The following MICAL3 variants were observed in gnomAD, a reference collection of about 807,000 sequenced individuals.
The protein encoded by MICAL3 is [F-actin]-monooxygenase MICAL3.
MICAL3 carries 62 observed loss-of-function variants against 207.4 expected under a neutral mutation model. That is an observed-to-expected ratio of 0.30 (90% confidence interval 0.24 to 0.37). MICAL3 has a LOEUF of 0.37. MICAL3 is among the 10% of genes least tolerant of loss of function. The probability of loss-of-function intolerance (pLI) is 1.00; values close to 1 mark genes in which losing one functional copy is unlikely to be tolerated. For synonymous variants in MICAL3, 1,077 were observed against 1,069.3 expected (o/e 1.01, Z -0.14); for missense variants, 2,368 against 2,635.6 (o/e 0.90, Z 2.22).
intron 1 of MICAL3, among the ~76,000 whole-genome samples, chr22:17,984,439 A>C (rs1435176179): frequency 6.6e-6 from 1 of 152,230 alleles, no homozygotes; most frequent in East Asian, 1.9e-4. Flanking sequence ...AAGATTACGC[A>C]GACACCGATG....
chr22:17,864,830 T>C lies in MICAL3; in HGVS notation c.2605+69A>G, dbSNP rs535821368. The C allele has an allele frequency of 2.5e-6, 4 of 1,613,884 alleles. No individual in the cohort carries two copies. In the Admixed American group the frequency reaches 5.0e-5, roughly 20 times the overall value. ...ATGTTGCTTTGGAGGTGCTGGCTCA[T>C]GCCCTTGGCCTTGTCACAGAGGCCG... On this transcript the variant is annotated intron_variant, in intron 19 of 31. Transcript: ENST00000441493.
intron 16 of MICAL3, among the ~76,000 whole-genome samples, chr22:17,883,150 A>G (rs2146212373): frequency 6.6e-6 from 1 of 152,312 alleles, no homozygotes. Flanking sequence ...TTCAAATCAT[A>G]TCTTCCACCT....
intron 1 of MICAL3, among the ~76,000 whole-genome samples, chr22:17,942,745 G>A (rs1195513043): frequency 1.3e-5 from 2 of 152,198 alleles, no homozygotes; most frequent in African/African-American, 4.8e-5. Flanking sequence ...GACGCTGCTG[G>A]GCAGCACCAG....
chr22:17,864,893 G>T lies in MICAL3; in HGVS notation c.2605+6C>A, dbSNP rs1394327256. ...GCCACCCAGCCAAACAAGGAAGTGA[G>T]GCTACCTGGGGTTCTCTCAGTGGAG... On this transcript the variant is annotated splice_donor_region_variant and intron_variant, in intron 19 of 31. Transcript: ENST00000441493. The T allele has an allele frequency of 6.2e-7, 1 of 1,613,856 alleles. No homozygotes were observed. The highest frequency in any genetic ancestry group is 2.2e-5 in the East Asian group (1 of 44,856).
Position 17,878,242 on chromosome 22 carries a change from C to T in MICAL3, c.2242-6219G>A, listed in dbSNP as rs138729915. 1.9e-3 allele frequency among the ~76,000 whole-genome samples: 287 copies of T among 152,348 alleles called. 5 individuals are homozygous for T. Among genetic ancestry groups the T allele is most frequent in the East Asian group, 3.3e-3 (17 of 5,178 alleles). On this transcript the variant is annotated intron_variant, in intron 16 of 31. Transcript: ENST00000441493. The stretch of plus-strand genomic sequence containing the variant: ...AATCTGCAAAATGGAGGGCACTGCC[C>T]TGCTCAGTGAAAAGGGCTGCTTTCC...
intron 1 of MICAL3, among the ~76,000 whole-genome samples, chr22:17,933,267 CTG>C (rs1933358302): frequency 6.6e-6 from 1 of 152,176 alleles, no homozygotes; most frequent in Non-Finnish European, 1.5e-5. Context: ...TCACAACAAA[CTG>C]TCTCTCAGAC....
Position 17,827,701 on chromosome 22 carries a change from G to A in MICAL3, c.3136C>T (p.Arg1046Cys), listed in dbSNP as rs764771535. ...IQADVHWTHI[R>C]EREEEERMAP... Reference sequence around the variant, plus strand: ...ATCCTCTCTTCCTCCTCTCTCTCACGGATATGAGTCCAGTGCACGTCAGCC... The same window carrying A: ...ATCCTCTCTTCCTCCTCTCTCTCACAGATATGAGTCCAGTGCACGTCAGCC... Residue 1046 changes from arginine to cysteine, a missense_variant, in exon 22 of 32, where the codon CGT becomes TGT. Transcript: ENST00000441493. The A allele has an allele frequency of 7.6e-6, 12 of 1,581,772 alleles. No homozygotes were observed. Among genetic ancestry groups the A allele is most frequent in the East Asian group, 7.0e-5 (3 of 42,962 alleles).
At chr22:17,906,224 G>A (rs1931708061) in intron 2 of MICAL3, among the ~76,000 whole-genome samples, 1 of 152,226 alleles carries the variant, frequency 6.6e-6, no homozygotes, top group African/African-American at 2.4e-5. Flanking sequence ...GTAAATACAT[G>A]AAACATGCTT....
rs529009432 is a variant in MICAL3 at position 17,841,561 on chromosome 22, C to A, written c.2801+261G>T. ...GGGGCAGAGCCTGCCACTTTCCTTC[C>A]CAATGACAGACTTGGAGCTGGGGAC... is the stretch of plus-strand genomic sequence containing the variant. On this transcript the variant is annotated intron_variant, in intron 20 of 31. Coordinates refer to ENST00000441493, the MANE Select transcript of MICAL3 (RefSeq NM_015241.3). This position sits in a 1 kb window ranked among gnomAD's most constrained non-coding sequence, Gnocchi z 4.2. The A allele has an allele frequency of 4.3e-4, 247 of 569,430 alleles. No homozygotes were observed. The highest frequency in any genetic ancestry group is 3.7e-3 in the Middle Eastern group (8 of 2,162). 35.3% of individuals were successfully genotyped at this position (569,430 alleles called of 1,614,324 possible). A position where few individuals can be genotyped will look rare whatever the true frequency, so the allele number is the denominator to read the frequency against.
intron 1 of MICAL3, among the ~76,000 whole-genome samples, chr22:17,942,620 CCTGTAGGGGACTG>C (rs1331485572): frequency 6.6e-6 from 1 of 152,240 alleles, no homozygotes; most frequent in Non-Finnish European, 1.5e-5. Context: ...AAGGGAGCTT[CCTGTAGGGGACTG>C]CTGTAGGGCC....
intron 2 of MICAL3, among the ~76,000 whole-genome samples, chr22:17,906,037 A>G (rs1277203302): frequency 6.6e-6 from 1 of 152,208 alleles, no homozygotes; most frequent in Non-Finnish European, 1.5e-5. Flanking sequence ...GGACATGCCA[A>G]GAACCCCAAA....
rs1924006429 is a variant in MICAL3, at chr22:17,841,518, G to A, written c.2801+304C>T. On this transcript the variant is annotated intron_variant, in intron 20 of 31. Coordinates refer to ENST00000441493, the MANE Select transcript of MICAL3 (RefSeq NM_015241.3). The surrounding 1 kb of genome is among the most constrained non-coding windows in gnomAD (Gnocchi z 4.2). ...CCGTGTGCCCGTCCTTCCCTCTGCT[G>A]AATCTGTGAATAACCCGGGGGCAGA... 1.9e-6 allele frequency: 1 copy of A among 537,378 alleles called. No homozygotes were observed. Among genetic ancestry groups the A allele is most frequent in the Admixed American group, 3.1e-5 (1 of 32,474 alleles). The allele number at this position is 537,378 out of a possible 1,614,324, so 33.3% of individuals were successfully genotyped here.
At chr22:18,019,301 T>G (rs1924277915) in intron 1 of MICAL3, 1 of 155,948 alleles carries the variant, frequency 6.4e-6, no homozygotes, top group African/African-American at 2.4e-5. Flanking sequence ...AATGAAAAGT[T>G]CTGAAGTGAT....
chr22:17,899,948 G>T (rs1180481232), intron 6 of MICAL3, among the ~76,000 whole-genome samples: 1 of 152,190 alleles, frequency 6.6e-6, no homozygotes, highest in East Asian at 1.9e-4. Flanking sequence ...ACAACTTGAC[G>T]CCTGGAAGCA....
chr22:17,855,950 C>CT (rs1925838374), intron 19 of MICAL3, among the ~76,000 whole-genome samples: 1 of 152,366 alleles, frequency 6.6e-6, no homozygotes, highest in Middle Eastern at 3.4e-3. Context: ...CTGCCCAACT[C>CT]TGAGTTTATT....
Position 17,813,687 on chromosome 22 carries a change from G to C in MICAL3, c.5446-2874C>G, listed in dbSNP as rs56687568. On this transcript the variant is annotated intron_variant, in intron 27 of 31. Transcript: ENST00000441493. ...CTGATGTCAATAGCAATGGGGGGCAGTGGCTGCCTTCCCACAATCTACCCA... is the reference window on the plus strand; with the variant it reads ...CTGATGTCAATAGCAATGGGGGGCACTGGCTGCCTTCCCACAATCTACCCA... 1.2e-4 allele frequency: 19 copies of C among 152,350 alleles called. No homozygotes were observed. The East Asian group carries it at 3.1e-3, about 25-fold the overall frequency. 9.4% of individuals were successfully genotyped at this position (152,350 alleles called of 1,614,324 possible). A position where few individuals can be genotyped will look rare whatever the true frequency, so the allele number is the denominator to read the frequency against.
chr22:17,884,813 T>C (rs1929733758), intron 16 of MICAL3, among the ~76,000 whole-genome samples: 1 of 152,144 alleles, frequency 6.6e-6, no homozygotes, highest in Non-Finnish European at 1.5e-5. Flanking sequence ...ATCATCACCT[T>C]TTCTGTGAGC....
chr22:17,866,033 G>A (rs777144299), intron 17 of MICAL3, 21 bp from the exon 18 acceptor site: 18 of 1,581,218 alleles, frequency 1.1e-5, no homozygotes, highest in Non-Finnish European at 1.4e-5. Context: ...CAAGAGGCAG[G>A]GACAGAGGCG....
intron 16 of MICAL3, chr22:17,876,829 T>TTAG (rs1928502036): frequency 4.0e-5 from 1 of 25,258 alleles, no homozygotes; most frequent in Non-Finnish European, 8.9e-5. Flanking sequence ...AGGGAGGTTA[T>TTAG]GGAGGTTAGG....
Sources: gnomAD v4.1 joint callset for allele counts (sites outside exome capture counted in the v4.1 genomes callset) on GRCh38, gnomAD v4.1.1 for gene constraint, Gnocchi (gnomAD v3.1) non-coding constraint, MANE v1.5 for transcripts, NCBI Gene and HGNC (gene_info 2026-07-23, HGNC 2026-07-21) for gene names.